Variants in EDAR observed in about 807,000 individuals in gnomAD.
EDAR encodes the protein ectodysplasin A receptor.
EDAR carries 38 observed loss-of-function variants against 51.3 expected under a neutral mutation model. That is an observed-to-expected ratio of 0.74 (90% CI 0.57 to 0.97). The LOEUF (loss-of-function observed/expected upper bound fraction) is 0.97, where lower values mean the gene tolerates loss of function less well. Ranked by LOEUF, EDAR falls within the 50% of genes least tolerant of loss-of-function variation. The pLI is 0.00. For synonymous variants in EDAR, 227 were observed against 242.1 expected (o/e 0.94, Z 0.58); for missense variants, 528 against 595.0 (o/e 0.89, Z 1.17).
Position 108,951,387 on chromosome 2 carries a change from C to G in EDAR, c.-18-20355G>C, listed in dbSNP as rs191546970. Among the ~76,000 whole-genome samples the G allele has an allele frequency of 1.9e-4, 29 of 152,256 alleles. 2 individuals are homozygous for G. The highest frequency in any genetic ancestry group is 1.8e-3 in the Admixed American group (28 of 15,296). On this transcript the variant is annotated intron_variant, in intron 1 of 11. Transcript: ENST00000258443. ...TCTGTTAGCTGGGCAGCATTGTGTC[C>G]AAGGTCATACAGGAATTCGACCAGA...
intron 1 of EDAR, among the ~76,000 whole-genome samples, chr2:108,972,716 T>C (rs1276115334): frequency 2.0e-5 from 3 of 152,194 alleles, no homozygotes; most frequent in Non-Finnish European, 4.4e-5. Context: ...GCAGCCCTCA[T>C]CTGATTTGTC....
Position 108,930,927 on chromosome 2 carries a change from G to A in EDAR, c.51+37C>T, listed in dbSNP as rs775141001. On this transcript the variant is annotated intron_variant, in intron 2 of 11. Transcript: ENST00000258443. The stretch of plus-strand genomic sequence containing the variant: ...GAAACAGTCCAACCATCATGAGGAT[G>A]AGGGTGCTGTGGGGGTAAGGGGCTC... 3.1e-6 allele frequency: 5 copies of A among 1,611,274 alleles called. No homozygotes were observed. The South Asian group carries it at 3.3e-5, about 11-fold the overall frequency.
chr2:108,977,864 A>G (rs979873890), intron 1 of EDAR, among the ~76,000 whole-genome samples: 2 of 152,206 alleles, frequency 1.3e-5, no homozygotes, highest in African/African-American at 2.4e-5. Context: ...TTAAGCCTTC[A>G]TCAACCACAA....
At chr2:108,940,131 G>T (rs1697565981) in intron 1 of EDAR, 1 of 152,266 alleles carries the variant, frequency 6.6e-6, no homozygotes, top group African/African-American at 2.4e-5. Flanking sequence ...ATTGGCACCA[G>T]GATCAATAGA....
intron 4 of EDAR, among the ~76,000 whole-genome samples, chr2:108,928,230 C>T (rs1252498665): frequency 3.3e-5 from 5 of 152,204 alleles, no homozygotes; most frequent in Non-Finnish European, 5.9e-5. Flanking sequence ...GCCCTCTGAA[C>T]TCTGGCGTCG....
rs1353576747 is a variant in EDAR, at chr2:108,895,101, G to C, written c.*1806C>G. On this transcript the variant is annotated 3_prime_UTR_variant, in exon 12 of 12. Transcript: ENST00000258443. ...AAGGATAATTAAGCTCTGCCGTGGA[G>C]TATTTAGCTTGCAGGGTAAACCAAA... The C allele has an allele frequency of 6.5e-6, 1 of 152,672 alleles. No homozygotes were observed. The highest frequency in any genetic ancestry group is 2.1e-4 in the South Asian group (1 of 4,828). 9.5% of individuals were successfully genotyped at this position (152,672 alleles called of 1,614,324 possible).
intron 6 of EDAR, among the ~76,000 whole-genome samples, 155 bp downstream of exon 6, chr2:108,912,523 C>T (rs765947176): frequency 4.6e-5 from 7 of 152,160 alleles, no homozygotes; most frequent in African/African-American, 9.7e-5. Flanking sequence ...ACTTCCTGCA[C>T]GGGGGGCAAC....
At chr2:108,963,327 G>A (rs1244839101) in intron 1 of EDAR, among the ~76,000 whole-genome samples, 2 of 152,210 alleles carry the variant, frequency 1.3e-5, no homozygotes, top group African/African-American at 4.8e-5. Context: ...AATTCAATTT[G>A]CTTTCAAGAG....
chr2:108,977,548 G>A (rs532963770), intron 1 of EDAR, among the ~76,000 whole-genome samples: 3 of 152,224 alleles, frequency 2.0e-5, no homozygotes, highest in African/African-American at 7.2e-5. Context: ...GGGATTACAG[G>A]CGTGAGCCAC....
intron 1 of EDAR, among the ~76,000 whole-genome samples, chr2:108,932,762 G>T (rs905335599): frequency 6.6e-6 from 1 of 152,090 alleles, no homozygotes; most frequent in African/African-American, 2.4e-5. Context: ...CCAATGCCAA[G>T]TACATATGTG....
chr2:108,898,666 A>G (rs758788610), intron 11 of EDAR, among the ~76,000 whole-genome samples: 1 of 152,260 alleles, frequency 6.6e-6, no homozygotes, highest in African/African-American at 2.4e-5. Context: ...AGAATTCATA[A>G]TAAAAGTGCT....
rs777577152 is a variant in EDAR at position 108,910,456 on chromosome 2, A to T, written c.803+4T>A. On this transcript the variant is annotated splice_donor_region_variant and intron_variant, in intron 9 of 11. Coordinates refer to ENST00000258443, the MANE Select transcript of EDAR (RefSeq NM_022336.4). The stretch of plus-strand genomic sequence containing the variant: ...TCAGCTTGGTGCTGGGGGCTTCCAC[A>T]TACCTCTTGGTGGGCTTTGCTGGAG... 11 of 1,612,006 alleles carry T rather than the reference A, an allele frequency of 6.8e-6. No individual in the cohort carries two copies. Among genetic ancestry groups the T allele is most frequent in the Non-Finnish European group, 8.5e-6 (10 of 1,179,000 alleles).
chr2:108,972,978 T>C (rs1376110968), intron 1 of EDAR, among the ~76,000 whole-genome samples: 1 of 152,336 alleles, frequency 6.6e-6, no homozygotes, highest in African/African-American at 2.4e-5. Flanking sequence ...TATTTTTTTA[T>C]TTATTTTAAT....
chr2:108,950,628 C>T (rs578161644), intron 1 of EDAR, among the ~76,000 whole-genome samples: 2 of 152,346 alleles, frequency 1.3e-5, no homozygotes, highest in East Asian at 1.9e-4. Flanking sequence ...GCATTCTGGA[C>T]GTGACACACA....
intron 4 of EDAR, among the ~76,000 whole-genome samples, 187 bp downstream of exon 4, chr2:108,929,011 G>A (rs1010828854): frequency 6.6e-6 from 1 of 152,250 alleles, no homozygotes; most frequent in African/African-American, 2.4e-5. Flanking sequence ...TGGGCTGCCT[G>A]TCCACCGGAG....
intron 1 of EDAR, among the ~76,000 whole-genome samples, chr2:108,978,939 C>A (rs538796888): frequency 2.6e-5 from 4 of 152,258 alleles, no homozygotes; most frequent in Admixed American, 1.3e-4. Flanking sequence ...GAAAGCTTTC[C>A]AAAAGGAAAC....
intron 9 of EDAR, among the ~76,000 whole-genome samples, chr2:108,908,526 A>AG (rs562210608): frequency 6.6e-6 from 1 of 152,056 alleles, no homozygotes; most frequent in African/African-American, 2.4e-5. Context: ...CCTCTTGACT[A>AG]GGGGGGTGAC....
chr2:108,921,373 G>C (rs731586), intron 5 of EDAR, among the ~76,000 whole-genome samples: 8,431 of 152,302 alleles, frequency 0.055, 778 homozygotes, highest in African/African-American at 0.19. Flanking sequence ...TCTGACGGTG[G>C]TTTGCGTAAT....
chr2:108,937,700 TGA>T (rs1455888977), intron 1 of EDAR, among the ~76,000 whole-genome samples: 3 of 149,600 alleles, frequency 2.0e-5, no homozygotes, highest in South Asian at 2.1e-4. Flanking sequence ...TGTATGTGTG[TGA>T]GTGTATGTGT....
Sources: gnomAD v4.1 joint callset for allele counts (sites outside exome capture counted in the v4.1 genomes callset) on GRCh38, gnomAD v4.1.1 for gene constraint, MANE v1.5 for transcripts, NCBI Gene and HGNC (gene_info 2026-07-23, HGNC 2026-07-21) for gene names.